ST8SIA2: variants seen among roughly 807,000 people sequenced by gnomAD.
ST8SIA2 encodes ST8 alpha-N-acetyl-neuraminide alpha-2,8-sialyltransferase 2.
ST8SIA2 carries 22 observed loss-of-function variants against 37.6 expected under a neutral mutation model. That is an observed-to-expected ratio of 0.58 (90% confidence interval 0.42 to 0.83). The LOEUF (loss-of-function observed/expected upper bound fraction) is 0.83, where lower values mean the gene tolerates loss of function less well. Among genes scored for constraint, ST8SIA2 ranks in the 40% least tolerant of loss-of-function variants. ST8SIA2 has a pLI of 0.00. For missense variants in ST8SIA2, 382 were observed against 484.7 expected (o/e 0.79, Z 1.99); for synonymous variants, 205 against 201.2 (o/e 1.02, Z -0.16).
chr15:92,459,107 G>A (rs959925353), intron 5 of ST8SIA2, among the ~76,000 whole-genome samples: 3 of 152,164 alleles, frequency 2.0e-5, no homozygotes, highest in African/African-American at 4.8e-5. Flanking sequence ...ACGTTTCATC[G>A]CTGATTCGAT....
chr15:92,444,023 C>T (rs2049822569), intron 4 of ST8SIA2, among the ~76,000 whole-genome samples: 1 of 152,154 alleles, frequency 6.6e-6, no homozygotes, highest in Admixed American at 6.5e-5. Flanking sequence ...GGAAGTCCAC[C>T]TGACACTCCT....
intron 1 of ST8SIA2, among the ~76,000 whole-genome samples, chr15:92,399,893 A>G (rs2049457947): frequency 6.6e-6 from 1 of 152,216 alleles, no homozygotes; most frequent in African/African-American, 2.4e-5. Flanking sequence ...TACTTCTTCG[A>G]GAGGGGATTC....
chr15:92,415,008 A>G (rs1169557854), intron 1 of ST8SIA2, among the ~76,000 whole-genome samples: 1 of 152,186 alleles, frequency 6.6e-6, no homozygotes, highest in African/African-American at 2.4e-5. Context: ...CTGGGCTCCT[A>G]AAAGAGCATG....
chr15:92,444,776 TGCACAGCCTCAATGGCA>T lies in ST8SIA2; in HGVS notation c.693_709del (p.Ser232ProfsTer16). 1 of 1,614,132 alleles carries T rather than the reference TGCACAGCCTCAATGGCA, an allele frequency of 6.2e-7. No individual in the cohort carries two copies. The highest frequency in any genetic ancestry group is 1.1e-5 in the South Asian group (1 of 91,088). Reference sequence around the variant, plus strand: ...TGGCGGGAGAAGCTGCTGCAACGGCTGCACAGCCTCAATGGCAGCATCCTGTGGATCCCTGCCTTCAT... The same window carrying T: ...TGGCGGGAGAAGCTGCTGCAACGGCTGCATCCTGTGGATCCCTGCCTTCAT... On this transcript the variant is annotated frameshift_variant, in exon 5 of 6. Transcript: ENST00000268164. LOFTEE classifies it high-confidence loss of function.
At chr15:92,410,021 C>G (rs2049538082) in intron 1 of ST8SIA2, among the ~76,000 whole-genome samples, 2 of 152,222 alleles carry the variant, frequency 1.3e-5, no homozygotes, top group South Asian at 2.1e-4. Context: ...GGGGTCTGGG[C>G]TTTGGTTGTG....
rs372229167 is a variant in ST8SIA2, at chr15:92,438,343, G to C, written c.291-10G>C. 1 of 1,614,178 alleles carries C rather than the reference G, an allele frequency of 6.2e-7. No individual in the cohort carries two copies. The highest frequency in any genetic ancestry group is 8.5e-7 in the Non-Finnish European group (1 of 1,180,032). ...TGGAGAATTTCCTCACGCATGTTTG[G>C]TTTTCACAGGAAGCAGATTTTAAAG... On this transcript the variant is annotated splice_polypyrimidine_tract_variant and intron_variant, in intron 3 of 5. Coordinates refer to ENST00000268164, the MANE Select transcript of ST8SIA2 (RefSeq NM_006011.4).
chr15:92,457,301 C>A (rs1596250537), intron 5 of ST8SIA2, among the ~76,000 whole-genome samples: 1 of 152,224 alleles, frequency 6.6e-6, no homozygotes, highest in African/African-American at 2.4e-5. Context: ...CCAACAGTGA[C>A]AGCCACTATT....
At chr15:92,416,881 C>A (rs2049591081) in intron 1 of ST8SIA2, among the ~76,000 whole-genome samples, 2 of 152,236 alleles carry the variant, frequency 1.3e-5, no homozygotes, top group South Asian at 4.1e-4. Context: ...GGGGCAACAG[C>A]AGGTGCCTGT....
chr15:92,446,266 G>C (rs753568187), intron 5 of ST8SIA2, among the ~76,000 whole-genome samples: 37 of 152,200 alleles, frequency 2.4e-4, no homozygotes, highest in Non-Finnish European at 4.7e-4. Context: ...GCATGGGCTA[G>C]ATTGGGCTTC....
intron 1 of ST8SIA2, among the ~76,000 whole-genome samples, chr15:92,415,448 G>A (rs1440466214): frequency 6.6e-6 from 1 of 151,890 alleles, no homozygotes; most frequent in African/African-American, 2.4e-5. Flanking sequence ...GACGAGTCTA[G>A]GGATCTTAAA....
chr15:92,452,076 C>G (rs1189105559), intron 5 of ST8SIA2, among the ~76,000 whole-genome samples: 1 of 152,188 alleles, frequency 6.6e-6, no homozygotes, highest in Non-Finnish European at 1.5e-5. Context: ...ACTCCTCAAC[C>G]CCTATATCTG....
chr15:92,412,052 C>T (rs543226651), intron 1 of ST8SIA2, among the ~76,000 whole-genome samples: 91 of 152,138 alleles, frequency 6.0e-4, no homozygotes, highest in African/African-American at 2.1e-3. Flanking sequence ...AGGTTGTCGG[C>T]AGATCCCCAG....
rs1159258715 is a variant in ST8SIA2 at position 92,467,907 on chromosome 15, C to G, written c.*3522C>G. ...CCCGCTGGAGGGACACTCACCCCAT[C>G]TGCTCCCACGGCAGCACCATCAACT... On this transcript the variant is annotated 3_prime_UTR_variant, in exon 6 of 6. Transcript: ENST00000268164. The G allele has an allele frequency of 2.0e-5, 3 of 152,444 alleles. 1 individual carries two copies. The highest frequency in any genetic ancestry group is 7.2e-5 in the African/African-American group (3 of 41,454). 9.4% of individuals were successfully genotyped at this position (152,444 alleles called of 1,614,324 possible). A position where few individuals can be genotyped will look rare whatever the true frequency, so the allele number is the denominator to read the frequency against.
chr15:92,438,292 G>A, intron 3 of ST8SIA2, 61 bp from the exon 4 acceptor site: 2 of 1,613,802 alleles, frequency 1.2e-6, no homozygotes, highest in African/African-American at 1.3e-5. Flanking sequence ...AGGAAAAGCT[G>A]GGCTGGCAAA....
intron 1 of ST8SIA2, among the ~76,000 whole-genome samples, chr15:92,427,986 AAAACAAAC>A (rs373992980): frequency 6.6e-6 from 1 of 152,330 alleles, no homozygotes; most frequent in East Asian, 1.9e-4. Flanking sequence ...CGGTCTCAAA[AAAACAAAC>A]AAACAAACAA....
At chr15:92,404,856 A>G (rs560865614) in intron 1 of ST8SIA2, among the ~76,000 whole-genome samples, 58 of 149,468 alleles carry the variant, frequency 3.9e-4, no homozygotes, top group Non-Finnish European at 7.1e-4. Context: ...AAAAAATTGG[A>G]AACAGGGACT....
chr15:92,420,273 T>A (rs1339777982), intron 1 of ST8SIA2, among the ~76,000 whole-genome samples: 1 of 152,180 alleles, frequency 6.6e-6, no homozygotes, highest in Non-Finnish European at 1.5e-5. Flanking sequence ...TGGTTGGCGT[T>A]TCTGTTCACT....
chr15:92,463,479 G>A (rs1042332765), intron 5 of ST8SIA2, among the ~76,000 whole-genome samples: 3 of 152,188 alleles, frequency 2.0e-5, no homozygotes, highest in South Asian at 2.1e-4. Flanking sequence ...ACGCTCAGGA[G>A]GCAAGGATGG....
chr15:92,450,449 A>T (rs2049873773), intron 5 of ST8SIA2, among the ~76,000 whole-genome samples: 1 of 152,242 alleles, frequency 6.6e-6, no homozygotes, highest in Non-Finnish European at 1.5e-5. Context: ...ATTTATAAAG[A>T]AAAGAGGTTT....
Sources: allele counts gnomAD v4.1 joint callset (sites outside exome capture counted in the v4.1 genomes callset), GRCh38; gene constraint gnomAD v4.1.1; transcripts MANE v1.5; gene names NCBI Gene and HGNC (gene_info 2026-07-23, HGNC 2026-07-21).